Variants in BRINP2 observed in about 807,000 individuals in gnomAD.
BRINP2 encodes BMP/retinoic acid-inducible neural-specific protein 2.
A neutral mutation model predicts 69.2 loss-of-function variants in BRINP2; 21 were observed. The observed-to-expected ratio is 0.30, with a 90% confidence interval of 0.22 to 0.44. BRINP2 has a LOEUF of 0.44. BRINP2 is among the 20% of genes least tolerant of loss of function. The probability of loss-of-function intolerance (pLI) is 1.00; values close to 1 mark genes in which losing one functional copy is unlikely to be tolerated. For synonymous variants in BRINP2, 380 were observed against 394.1 expected, an observed-to-expected ratio of 0.96 and a Z score of 0.42; for missense variants, 877 against 986.0, an observed-to-expected ratio of 0.89 and a Z score of 1.48.
chr1:177,280,814 G>T lies in BRINP2; in HGVS notation c.1638G>T (p.Trp546Cys). ...MRLGSWFDPS[W>C]RKRMLLTLKS... is the part of the protein sequence containing the mutation. ...TGGGCAGCTGGTTTGACCCTTCCTG[G>T]AGGAAGCGCATGCTGCTCACCCTGA... Residue 546 changes from tryptophan (W) to cysteine (C), a missense_variant, in exon 8 of 8, where the codon TGG becomes TGT. Around this residue, in one of 3 missense-constraint regions of BRINP2, gnomAD observed 86 missense variants for 142.1 expected, o/e 0.61. Transcript: ENST00000361539. 2 of 1,614,006 alleles carry T rather than the reference G, an allele frequency of 1.2e-6. No homozygotes were observed. The highest frequency in any genetic ancestry group is 1.7e-6 in the Non-Finnish European group (2 of 1,179,952).
chr1:177,206,176 G>T (rs887732338), intron 1 of BRINP2, among the ~76,000 whole-genome samples: 7 of 152,108 alleles, frequency 4.6e-5, no homozygotes, highest in African/African-American at 1.7e-4. Flanking sequence ...CCCTAGACCT[G>T]AATCCTCTTT....
chr1:177,178,219 T>C (rs1397378216), intron 1 of BRINP2, among the ~76,000 whole-genome samples: 1 of 152,228 alleles, frequency 6.6e-6, no homozygotes, highest in Non-Finnish European at 1.5e-5. Flanking sequence ...GGCTAGCCAG[T>C]CCAGTCTCTT....
At chr1:177,254,139 G>T (rs149896604) in intron 2 of BRINP2, among the ~76,000 whole-genome samples, 7 of 152,186 alleles carry the variant, frequency 4.6e-5, no homozygotes, top group African/African-American at 1.7e-4. Context: ...AGCAAAGCAT[G>T]AAAATTAAAA....
In BRINP2 at chr1:177,273,176, G is replaced by C. The variant is rs1285153610; in HGVS notation, c.670-312G>C. ...TTGCCTTCCTCTGGAGGGAGAAGGG[G>C]TGACTAGAGCTTAAGGTTTCACTCC... On this transcript the variant is annotated intron_variant, in intron 4 of 7. Transcript: ENST00000361539. Among the ~76,000 whole-genome samples the C allele has an allele frequency of 3.3e-5, 5 of 152,182 alleles. 1 individual carries two copies. Among genetic ancestry groups the C allele is most frequent in the Non-Finnish European group, 7.3e-5 (5 of 68,042 alleles).
At position 177,281,413 on chromosome 1, in the gene BRINP2, G is replaced by T. The variant is rs140690261; in HGVS notation, c.2237G>T (p.Arg746Leu). 1 of 1,614,006 alleles carries T rather than the reference G, an allele frequency of 6.2e-7. No individual in the cohort carries two copies. Among genetic ancestry groups the T allele is most frequent in the South Asian group, 1.1e-5 (1 of 91,080 alleles). Residue 746 changes from arginine to leucine, a missense_variant, in exon 8 of 8, where the codon CGG becomes CTG. Coordinates refer to ENST00000361539, the MANE Select transcript of BRINP2 (RefSeq NM_021165.4). Reference protein sequence around the residue: ...VRLDLFSCLLRHRLKLANNEV... With the variant: ...VRLDLFSCLLLHRLKLANNEV... ...CTTGACCTTTTCTCCTGCTTGCTCC[G>T]GCATCGGCTTAAGCTGGCCAACAAT...
At chr1:177,184,560 C>A (rs1208638228) in intron 1 of BRINP2, among the ~76,000 whole-genome samples, 1 of 152,084 alleles carries the variant, frequency 6.6e-6, no homozygotes, top group Non-Finnish European at 1.5e-5. Flanking sequence ...AGCCAAGGTC[C>A]TACAATGATG....
At chr1:177,195,451 C>A (rs1226774754) in intron 1 of BRINP2, among the ~76,000 whole-genome samples, 1 of 151,084 alleles carries the variant, frequency 6.6e-6, no homozygotes, top group Non-Finnish European at 1.5e-5. Flanking sequence ...AAGGACAAAG[C>A]ACGAGTCCAG....
intron 1 of BRINP2, among the ~76,000 whole-genome samples, chr1:177,179,023 C>A (rs725416): frequency 0.27 from 41,264 of 152,072 alleles, 9,308 homozygotes; most frequent in African/African-American, 0.63. Context: ...TTTATAGACG[C>A]TGAGTTGAAA....
At chr1:177,180,053 G>A (rs962905804) in intron 1 of BRINP2, among the ~76,000 whole-genome samples, 4 of 152,150 alleles carry the variant, frequency 2.6e-5, no homozygotes, top group African/African-American at 9.7e-5. Flanking sequence ...CAGATGAAAT[G>A]GGTGGGACAA....
chr1:177,241,101 A>G (rs1650189359), intron 2 of BRINP2, among the ~76,000 whole-genome samples: 1 of 151,980 alleles, frequency 6.6e-6, no homozygotes, highest in Non-Finnish European at 1.5e-5. Context: ...CCTCCCAAGT[A>G]GCTGGGACTA....
chr1:177,200,825 T>C (rs1389890119), intron 1 of BRINP2, among the ~76,000 whole-genome samples: 1 of 152,210 alleles, frequency 6.6e-6, no homozygotes, highest in Non-Finnish European at 1.5e-5. Context: ...AATAATTGAT[T>C]ACTGCTTAAC....
At chr1:177,228,060 C>T (rs1314634233) in intron 1 of BRINP2, among the ~76,000 whole-genome samples, 2 of 152,286 alleles carry the variant, frequency 1.3e-5, no homozygotes, top group East Asian at 1.9e-4. Context: ...GACCTAGGCT[C>T]GTATTCCACT....
intron 4 of BRINP2, among the ~76,000 whole-genome samples, chr1:177,259,583 C>A (rs1389603445): frequency 6.6e-6 from 1 of 152,178 alleles, no homozygotes; most frequent in Non-Finnish European, 1.5e-5. Context: ...GGCTTCAAAG[C>A]TTCAAAGGAC....
At chr1:177,262,079 C>G (rs1176334737) in intron 4 of BRINP2, among the ~76,000 whole-genome samples, 1 of 152,128 alleles carries the variant, frequency 6.6e-6, no homozygotes, top group Non-Finnish European at 1.5e-5. Context: ...AGTGAGGAAT[C>G]AGATATGAGT....
chr1:177,249,874 A>G (rs1160474048), intron 2 of BRINP2, among the ~76,000 whole-genome samples: 1 of 152,232 alleles, frequency 6.6e-6, no homozygotes, highest in East Asian at 1.9e-4. Flanking sequence ...AACACCACTC[A>G]TAGATGTTTC....
chr1:177,229,148 G>A (rs981920566), intron 1 of BRINP2, among the ~76,000 whole-genome samples: 4 of 152,152 alleles, frequency 2.6e-5, no homozygotes, highest in African/African-American at 9.7e-5. Context: ...CATCCCACAT[G>A]ACCTTCAGTA....
chr1:177,175,604 A>T (rs1648066929), intron 1 of BRINP2, among the ~76,000 whole-genome samples: 1 of 152,176 alleles, frequency 6.6e-6, no homozygotes, highest in Non-Finnish European at 1.5e-5. Flanking sequence ...CCATTCCAAC[A>T]TAGAGGAAGT....
At chr1:177,275,164 C>T (rs867846438) in intron 5 of BRINP2, 13 of 456,282 alleles carry the variant, frequency 2.8e-5, no homozygotes, top group Non-Finnish European at 5.7e-5. Context: ...GCATGCCTAC[C>T]CTTTGTTCAT....
At chr1:177,225,937 C>T (rs1173432518) in intron 1 of BRINP2, among the ~76,000 whole-genome samples, 1 of 152,238 alleles carries the variant, frequency 6.6e-6, no homozygotes, top group East Asian at 1.9e-4. Flanking sequence ...GGCATTCTTG[C>T]TGTGCTCAGC....
Sources: allele counts gnomAD v4.1 joint callset (sites outside exome capture counted in the v4.1 genomes callset), GRCh38; gene constraint gnomAD v4.1.1; regional missense constraint gnomAD v4.1.1; transcripts MANE v1.5; gene names NCBI Gene and HGNC (gene_info 2026-07-23, HGNC 2026-07-21).